Variants in DOT1L observed in about 807,000 individuals in gnomAD.
DOT1L encodes the protein DOT1 like histone lysine methyltransferase.
DOT1L carries 33 observed loss-of-function variants against 153.3 expected under a neutral mutation model. The ratio of observed to expected loss-of-function variants is 0.22; its 90% confidence interval spans 0.16 to 0.29. The LOEUF is 0.29. Ranked by LOEUF, DOT1L falls within the 10% of genes least tolerant of loss-of-function variation. DOT1L has a pLI of 1.00. For missense variants in DOT1L, 1,847 were observed against 2,119.9 expected, an observed-to-expected ratio of 0.87 and a Z score of 2.53; for synonymous variants, 1,135 against 965.1, an observed-to-expected ratio of 1.18 and a Z score of -3.26.
At chr19:2,188,067 C>G (rs899322033) in intron 3 of DOT1L, 8 of 152,262 alleles carry the variant, frequency 5.3e-5, no homozygotes, top group Admixed American at 5.2e-4. Flanking sequence ...ACCACCTGGG[C>G]TCCTTCCACC....
At position 2,216,325 on chromosome 19, in the gene DOT1L, C is replaced by T. The variant is rs2023897459; in HGVS notation, c.1968C>T (p.Leu656=). 1 of 1,596,232 alleles carries T rather than the reference C, an allele frequency of 6.3e-7. No individual in the cohort carries two copies. The highest frequency in any genetic ancestry group is 1.3e-5 in the African/African-American group (1 of 74,538). ...ELEKSQRQQE[L]LQLKSCVPPD... ...AGAAGAGCCAGCGGCAGCAGGAGCT[C>T]CTGCAGCTCAAGTCCTGTGTGCCGC... The change falls in exon 20 of 28, where the codon CTC becomes CTT. Residue 656 remains leucine, a synonymous_variant. Coordinates refer to ENST00000398665, the MANE Select transcript of DOT1L (RefSeq NM_032482.3).
chr19:2,167,408 C>T (rs905343486), intron 1 of DOT1L, among the ~76,000 whole-genome samples: 3 of 152,226 alleles, frequency 2.0e-5, no homozygotes, highest in African/African-American at 7.2e-5. Context: ...GCCCGCATGC[C>T]TGCTGCCCTG....
rs1011236701 is a variant in DOT1L, at chr19:2,231,921, C to G, written c.*2129C>G. The G allele has an allele frequency of 2.3e-5, 5 of 217,560 alleles. No individual in the cohort carries two copies. The highest frequency in any genetic ancestry group is 4.6e-5 in the Non-Finnish European group (5 of 108,204). The allele number at this position is 217,560 out of a possible 1,614,324, so 13.5% of individuals were successfully genotyped here. The stretch of plus-strand genomic sequence containing the variant: ...CAGAGCCACTGGCCCAGGCAGAAGT[C>G]TCCTTGAGCCCACTGGGTCATATGC... On this transcript the variant is annotated 3_prime_UTR_variant, in exon 28 of 28. Transcript: ENST00000398665.
In DOT1L at chr19:2,185,262, G is replaced by C. The variant is rs543175197; in HGVS notation, c.126-593G>C. On this transcript the variant is annotated intron_variant, in intron 2 of 27. Transcript: ENST00000398665. ...TTTTCGAGCTCTGATGTGGCCAGTG[G>C]GTCCCTAGACCAGCCCTGTAGCAGA... 3.9e-4 allele frequency among the ~76,000 whole-genome samples: 59 copies of C among 152,268 alleles called. 1 individual carries two copies. The South Asian group carries it at 0.012, about 31-fold the overall frequency.
In DOT1L at chr19:2,179,331, C is replaced by T. The variant is rs536908252; in HGVS notation, c.82-1382C>T. On this transcript the variant is annotated intron_variant, in intron 1 of 27. Transcript: ENST00000398665. The stretch of plus-strand genomic sequence containing the variant: ...CCCTGCTGGTTGCTTTTTCTCTGCC[C>T]TGGGAGAGGCTCGCTGAGGCTGCAC... 1.1e-4 allele frequency among the ~76,000 whole-genome samples: 17 copies of T among 149,406 alleles called. No homozygotes were observed. In the South Asian group the frequency reaches 3.6e-3, roughly 31 times the overall value.
chr19:2,166,630 C>G (rs748146440), intron 1 of DOT1L, among the ~76,000 whole-genome samples: 2 of 149,556 alleles, frequency 1.3e-5, no homozygotes, highest in African/African-American at 2.5e-5. Context: ...AGGCTGGTCT[C>G]GAACTCCTAA....
chr19:2,231,941 A>G lies in DOT1L; in HGVS notation c.*2149A>G. ...GAAGTCTCCTTGAGCCCACTGGGTCATATGCGTGTCACCACACGTGAACTA... is the reference window on the plus strand; with the variant it reads ...GAAGTCTCCTTGAGCCCACTGGGTCGTATGCGTGTCACCACACGTGAACTA... On this transcript the variant is annotated 3_prime_UTR_variant, in exon 28 of 28. Transcript: ENST00000398665. The G allele has an allele frequency of 4.7e-6, 1 of 214,428 alleles. No homozygotes were observed. Among genetic ancestry groups the G allele is most frequent in the Non-Finnish European group, 9.4e-6 (1 of 106,110 alleles). The allele number at this position is 214,428 out of a possible 1,614,324, so 13.3% of individuals were successfully genotyped here. A position where few individuals can be genotyped will look rare whatever the true frequency, so the allele number is the denominator to read the frequency against.
At chr19:2,198,486 G>A (rs1053116003) in intron 7 of DOT1L, among the ~76,000 whole-genome samples, 11 of 152,312 alleles carry the variant, frequency 7.2e-5, no homozygotes, top group South Asian at 2.1e-4. Context: ...CCTGTCCTCC[G>A]GGCCCGGGGG....
chr19:2,170,168 A>G (rs1457279222), intron 1 of DOT1L, among the ~76,000 whole-genome samples: 1 of 152,172 alleles, frequency 6.6e-6, no homozygotes, highest in Non-Finnish European at 1.5e-5. Context: ...AGGAAAAAAG[A>G]ATTTTTGTTC....
In DOT1L at chr19:2,217,662, G is replaced by C; in HGVS notation, c.2545-110G>C. On this transcript the variant is annotated intron_variant, in intron 21 of 27. Coordinates refer to ENST00000398665, the MANE Select transcript of DOT1L (RefSeq NM_032482.3). The surrounding 1 kb of genome is among the most constrained non-coding windows in gnomAD (Gnocchi z 7.3). The stretch of plus-strand genomic sequence containing the variant: ...GGGAAGGTTGCAGGGCCTTGGCAGC[G>C]TGGGGGCCGCCTTGAGAGAGCTGTA... 1 of 1,462,698 alleles carries C rather than the reference G, an allele frequency of 6.8e-7. No homozygotes were observed. Among genetic ancestry groups the C allele is most frequent in the Non-Finnish European group, 9.2e-7 (1 of 1,092,434 alleles). The allele number at this position is 1,462,698 out of a possible 1,614,324, so 90.6% of individuals were successfully genotyped here.
At chr19:2,188,368 G>A (rs2022632269) in intron 3 of DOT1L, 1 of 152,146 alleles carries the variant, frequency 6.6e-6, no homozygotes, top group Non-Finnish European at 1.5e-5. Context: ...TGATTGTTTA[G>A]CCACGTCTCG....
intron 9 of DOT1L, among the ~76,000 whole-genome samples, chr19:2,205,017 C>G (rs1288619864): frequency 6.6e-6 from 1 of 151,968 alleles, no homozygotes; most frequent in African/African-American, 2.4e-5. Flanking sequence ...GTCGCCCAGG[C>G]TGGAGTGCAG....
At chr19:2,229,251 C>T (rs112072323) in intron 27 of DOT1L, 11 of 985,350 alleles carry the variant, frequency 1.1e-5, no homozygotes, top group Non-Finnish European at 1.3e-5. Flanking sequence ...GGGCAGTTGG[C>T]CACCCGTGCC....
chr19:2,218,966 G>A (rs1313967599), intron 22 of DOT1L, among the ~76,000 whole-genome samples: 1 of 152,144 alleles, frequency 6.6e-6, no homozygotes, highest in African/African-American at 2.4e-5. Flanking sequence ...CCGCCTGCTG[G>A]GTTCAAGCAG....
In DOT1L at chr19:2,222,367, C is replaced by T. The variant is rs1373698972; in HGVS notation, c.3198C>T (p.Pro1066=). ...AGTCGCCCTCCAGCAAGCACAGCCC[C>T]CTGACCGCCAGCGCCCGTGGGGACT... is the stretch of plus-strand genomic sequence containing the variant. ...AKQSPSSKHS[P]LTASARGDCV... Residue 1066 remains proline (P), a synonymous_variant, in exon 24 of 28, where the codon CCC becomes CCT. Transcript: ENST00000398665. The surrounding 1 kb of genome is among the most constrained non-coding windows in gnomAD (Gnocchi z 6.5). The T allele has an allele frequency of 6.2e-7, 1 of 1,612,048 alleles. No individual in the cohort carries two copies. Among genetic ancestry groups the T allele is most frequent in the Admixed American group, 1.7e-5 (1 of 59,956 alleles).
intron 19 of DOT1L, chr19:2,215,976 G>A (rs570860557): frequency 3.1e-6 from 1 of 324,864 alleles, no homozygotes; most frequent in East Asian, 5.8e-5. Context: ...TTTACACTTA[G>A]TGAAACTGGA....
Position 2,211,187 on chromosome 19 carries a change from C to A in DOT1L, c.1440C>A (p.Thr480=). The A allele has an allele frequency of 6.2e-7, 1 of 1,611,170 alleles. No individual in the cohort carries two copies. Among genetic ancestry groups the A allele is most frequent in the South Asian group, 1.1e-5 (1 of 90,952 alleles). Residue 480 remains threonine (T), a synonymous_variant, in exon 15 of 28, where the codon ACC becomes ACA. Coordinates refer to ENST00000398665, the MANE Select transcript of DOT1L (RefSeq NM_032482.3). ...CCAACCCGCTGCTGGTGGCGCCCAC[C>A]CCGCCCGCGCTGCAGAAGCTTCTAG... is the stretch of plus-strand genomic sequence containing the variant. The part of the protein sequence containing the change: ...HSPNPLLVAP[T]PPALQKLLES...
rs1307470378 is a variant in DOT1L, at chr19:2,164,405, C to T, written c.81+140C>T. 2.3e-5 allele frequency: 12 copies of T among 514,494 alleles called. No individual in the cohort carries two copies. The Admixed American group carries it at 3.3e-4, about 14-fold the overall frequency. The allele number at this position is 514,494 out of a possible 1,614,324, so 31.9% of individuals were successfully genotyped here. On this transcript the variant is annotated intron_variant, in intron 1 of 27. Transcript: ENST00000398665. Reference sequence around the variant, plus strand: ...CCTGGACTCCACTGTCGCTGCTCCACCCCCGTTGCTTCCCGGCCGAGGGCC... The same window carrying T: ...CCTGGACTCCACTGTCGCTGCTCCATCCCCGTTGCTTCCCGGCCGAGGGCC...
chr19:2,194,275 A>G (rs541194393), intron 6 of DOT1L, among the ~76,000 whole-genome samples: 1 of 152,004 alleles, frequency 6.6e-6, no homozygotes, highest in African/African-American at 2.4e-5. Flanking sequence ...GGTTCACACC[A>G]TTCTCCTGCC....
Sources: gnomAD v4.1 joint callset for allele counts (sites outside exome capture counted in the v4.1 genomes callset) on GRCh38, gnomAD v4.1.1 for gene constraint, Gnocchi (gnomAD v3.1) non-coding constraint, MANE v1.5 for transcripts, NCBI Gene and HGNC (gene_info 2026-07-23, HGNC 2026-07-21) for gene names.